CNTNAP5: variants seen among roughly 807,000 people sequenced by gnomAD.
CNTNAP5 encodes the protein contactin-associated protein-like 5.
Under a neutral mutation model 150.2 loss-of-function variants are expected in CNTNAP5, and 72 were observed. The observed-to-expected ratio is 0.48, with a 90% CI of 0.40 to 0.58. The LOEUF (loss-of-function observed/expected upper bound fraction) is 0.58, where lower values mean the gene tolerates loss of function less well. CNTNAP5 is among the 20% of genes least tolerant of loss of function. The pLI is 0.00. For synonymous variants in CNTNAP5, 672 were observed against 619.8 expected, an observed-to-expected ratio of 1.08 and a Z score of -1.25; for missense variants, 1,636 against 1,626.2, an observed-to-expected ratio of 1.01 and a Z score of -0.10.
intron 3 of CNTNAP5, among the ~76,000 whole-genome samples, chr2:124,251,424 T>C (rs907245893): frequency 6.6e-6 from 1 of 150,484 alleles, no homozygotes; most frequent in Non-Finnish European, 1.5e-5. Context: ...GAAGGAGTCA[T>C]AAAAATTGGG....
intron 1 of CNTNAP5, among the ~76,000 whole-genome samples, chr2:124,095,048 A>AT (rs1455916045): frequency 6.6e-6 from 1 of 152,188 alleles, no homozygotes; most frequent in East Asian, 1.9e-4. Context: ...ATGCACACTT[A>AT]TGTTTATTGC....
intron 8 of CNTNAP5, among the ~76,000 whole-genome samples, chr2:124,510,279 C>CTATATATCTATATCTATATATCTATATA (rs1238288039): frequency 1.5e-4 from 11 of 70,998 alleles, no homozygotes; most frequent in African/African-American, 5.3e-4. Context: ...ATATCTATAT[C>CTATATATCTATATCTATATATCTATATA]TATATCTATA....
chr2:124,381,540 CT>C (rs987295176), intron 3 of CNTNAP5, among the ~76,000 whole-genome samples: 25 of 152,216 alleles, frequency 1.6e-4, no homozygotes, highest in South Asian at 2.1e-4. Flanking sequence ...TCACCCCCCC[CT>C]CCAAGACTGC....
At chr2:124,304,357 G>A (rs1158814099) in intron 3 of CNTNAP5, among the ~76,000 whole-genome samples, 3 of 151,588 alleles carry the variant, frequency 2.0e-5, no homozygotes, top group African/African-American at 7.3e-5. Flanking sequence ...TATGAAATAT[G>A]AGAGGGGATA....
chr2:124,191,653 TGC>T (rs919211584), intron 1 of CNTNAP5, among the ~76,000 whole-genome samples: 2 of 152,098 alleles, frequency 1.3e-5, no homozygotes, highest in Non-Finnish European at 2.9e-5. Context: ...CAGTGGCTCA[TGC>T]CTGTAATCCC....
chr2:124,896,441 C>CTTA (rs1678306338), intron 21 of CNTNAP5, among the ~76,000 whole-genome samples: 2 of 151,506 alleles, frequency 1.3e-5, no homozygotes, highest in African/African-American at 4.9e-5. Flanking sequence ...TTGAAAAGGA[C>CTTA]AGCCTTTCTT....
At chr2:124,177,812 T>C (rs755942860) in intron 1 of CNTNAP5, among the ~76,000 whole-genome samples, 2 of 151,956 alleles carry the variant, frequency 1.3e-5, no homozygotes, top group Non-Finnish European at 2.9e-5. Flanking sequence ...TTTTGTTTGT[T>C]TGGTTGGTTA....
intron 3 of CNTNAP5, among the ~76,000 whole-genome samples, chr2:124,361,958 G>T (rs1453802297): frequency 6.6e-6 from 1 of 152,226 alleles, no homozygotes; most frequent in Non-Finnish European, 1.5e-5. Context: ...AGCAATCAGC[G>T]AGACTTCGTG....
chr2:124,771,340 T>G (rs1681187525), intron 16 of CNTNAP5, among the ~76,000 whole-genome samples: 1 of 152,112 alleles, frequency 6.6e-6, no homozygotes, highest in African/African-American at 2.4e-5. Flanking sequence ...ACAATTAGCC[T>G]CTCCATTTCC....
intron 11 of CNTNAP5, among the ~76,000 whole-genome samples, chr2:124,605,831 A>AAAG (rs70996081): frequency 8.8e-6 from 1 of 114,230 alleles, no homozygotes; most frequent in Non-Finnish European, 1.7e-5. Flanking sequence ...AAAAAAAAAA[A>AAAG]AAGAAGGAAA....
intron 13 of CNTNAP5, among the ~76,000 whole-genome samples, chr2:124,658,835 T>G (rs1316946081): frequency 6.6e-6 from 1 of 152,204 alleles, no homozygotes; most frequent in Non-Finnish European, 1.5e-5. Flanking sequence ...ATGAGGTTAA[T>G]GGGTCTGCAT....
Position 124,057,135 on chromosome 2 carries a change from G to A in CNTNAP5, c.82+31403G>A, listed in dbSNP as rs544186861. The stretch of plus-strand genomic sequence containing the variant: ...GGAAGGACCCAGGTATGGAATGCCC[G>A]TTTTGGGCTCAGTTCTTTACCCAAT... On this transcript the variant is annotated intron_variant, in intron 1 of 23. Coordinates refer to ENST00000682447, the MANE Select transcript of CNTNAP5 (RefSeq NM_001367498.1). Among the ~76,000 whole-genome samples the A allele has an allele frequency of 9.2e-5, 14 of 152,132 alleles. No homozygotes were observed. The South Asian group carries it at 2.1e-3, about 23-fold the overall frequency.
At chr2:124,650,547 G>A (rs746164196) in intron 13 of CNTNAP5, among the ~76,000 whole-genome samples, 5 of 152,152 alleles carry the variant, frequency 3.3e-5, no homozygotes, top group Non-Finnish European at 5.9e-5. Context: ...CCCTTCCCAA[G>A]AGGAAGCCCA....
chr2:124,367,427 G>A (rs1466642865), intron 3 of CNTNAP5, among the ~76,000 whole-genome samples: 2 of 152,180 alleles, frequency 1.3e-5, no homozygotes, highest in African/African-American at 4.8e-5. Context: ...CAGATCTCAT[G>A]AGAACTCACT....
chr2:124,297,814 TTATTATTA>T (rs1558839177), intron 3 of CNTNAP5, among the ~76,000 whole-genome samples: 2,984 of 15,402 alleles, frequency 0.19, 207 homozygotes, highest in Admixed American at 0.42. Context: ...CAATTATTTA[TTATTATTA>T]TTATTATTAT....
intron 1 of CNTNAP5, among the ~76,000 whole-genome samples, chr2:124,067,620 T>A (rs1395684417): frequency 6.6e-6 from 1 of 152,188 alleles, no homozygotes; most frequent in Non-Finnish European, 1.5e-5. Flanking sequence ...AATTAGAGCA[T>A]GAGTAACTTT....
At chr2:124,759,433 A>G (rs925279796) in intron 14 of CNTNAP5, among the ~76,000 whole-genome samples, 1 of 147,056 alleles carries the variant, frequency 6.8e-6, no homozygotes, top group Non-Finnish European at 1.5e-5. Context: ...TATATATATA[A>G]TGGCACCACT....
chr2:124,917,588 T>C lies in CNTNAP5; in HGVS notation c.*3300T>C, dbSNP rs900515979. Among the ~76,000 whole-genome samples the C allele has an allele frequency of 1.4e-4, 21 of 152,118 alleles. No individual in the cohort carries two copies. The highest frequency in any genetic ancestry group is 4.8e-4 in the African/African-American group (20 of 41,444). On this transcript the variant is annotated 3_prime_UTR_variant, in exon 24 of 24. Transcript: ENST00000682447. ...ACAACTTTTTTCCTCTCCTTAGTAATAACAGAGATGGTATTAACTTGACTT... is the reference window on the plus strand; with the variant it reads ...ACAACTTTTTTCCTCTCCTTAGTAACAACAGAGATGGTATTAACTTGACTT...
chr2:124,190,310 A>C (rs1685429463), intron 1 of CNTNAP5, among the ~76,000 whole-genome samples: 1 of 152,224 alleles, frequency 6.6e-6, no homozygotes, highest in Admixed American at 6.5e-5. Context: ...AGTCTAACAG[A>C]GTGTGCTTTA....
Sources: gnomAD v4.1 joint callset for allele counts (sites outside exome capture counted in the v4.1 genomes callset) on GRCh38, gnomAD v4.1.1 for gene constraint, MANE v1.5 for transcripts, NCBI Gene and HGNC (gene_info 2026-07-23, HGNC 2026-07-21) for gene names.